The following KCNMA1 variants were observed in gnomAD, a reference collection of about 807,000 sequenced individuals.
The protein encoded by KCNMA1 is Calcium-activated potassium channel subunit alpha-1.
Under a neutral mutation model 140.0 loss-of-function variants are expected in KCNMA1, and 29 were observed. The observed-to-expected ratio is 0.21, with a 90% confidence interval of 0.15 to 0.28. KCNMA1 has a LOEUF of 0.28. KCNMA1 is among the 10% of genes least tolerant of loss of function. The pLI is 1.00. For synonymous variants in KCNMA1, 612 were observed against 611.9 expected, an observed-to-expected ratio of 1.00 and a Z score of 0.00; for missense variants, 880 against 1,602.2, an observed-to-expected ratio of 0.55 and a Z score of 7.70.
At chr10:77,150,635 G>A (rs2098401586) in intron 5 of KCNMA1, among the ~76,000 whole-genome samples, 1 of 152,222 alleles carries the variant, frequency 6.6e-6, no homozygotes, top group South Asian at 2.1e-4. Flanking sequence ...GTTTAAAAGT[G>A]CTGAGAGCAT....
At chr10:77,107,104 G>C (rs1399278229) in intron 9 of KCNMA1, among the ~76,000 whole-genome samples, 1 of 152,180 alleles carries the variant, frequency 6.6e-6, no homozygotes, top group East Asian at 1.9e-4. Context: ...GACCAAAGGG[G>C]AGGGTCCACT....
chr10:77,406,506 A>G (rs2096477944), intron 1 of KCNMA1, among the ~76,000 whole-genome samples: 1 of 152,160 alleles, frequency 6.6e-6, no homozygotes, highest in South Asian at 2.1e-4. Context: ...GCTTGTTGAA[A>G]CACAGTGTGC....
chr10:77,549,962 A>C (rs945832087), intron 1 of KCNMA1, among the ~76,000 whole-genome samples: 2 of 152,210 alleles, frequency 1.3e-5, no homozygotes, highest in African/African-American at 4.8e-5. Flanking sequence ...TGAAAGCACT[A>C]GTTTATTCAG....
intron 5 of KCNMA1, among the ~76,000 whole-genome samples, chr10:77,122,617 C>A (rs1233623885): frequency 6.6e-6 from 1 of 151,888 alleles, no homozygotes; most frequent in Non-Finnish European, 1.5e-5. Context: ...AGATCCAACC[C>A]ATGGATAAAA....
At chr10:77,233,955 A>T (rs1053768844) in intron 3 of KCNMA1, among the ~76,000 whole-genome samples, 1 of 152,148 alleles carries the variant, frequency 6.6e-6, no homozygotes, top group East Asian at 1.9e-4. Flanking sequence ...TTCTACAATA[A>T]ATTAGAACAG....
chr10:76,997,178 A>C (rs2084660802), intron 19 of KCNMA1, among the ~76,000 whole-genome samples: 1 of 152,188 alleles, frequency 6.6e-6, no homozygotes, highest in Non-Finnish European at 1.5e-5. Flanking sequence ...ATTACACTAA[A>C]CTGATTTTGG....
intron 1 of KCNMA1, among the ~76,000 whole-genome samples, chr10:77,443,060 C>T (rs866924001): frequency 6.6e-6 from 1 of 152,208 alleles, no homozygotes; most frequent in African/African-American, 2.4e-5. Flanking sequence ...CATGGTGACA[C>T]CCACGATCCA....
intron 19 of KCNMA1, among the ~76,000 whole-genome samples, chr10:76,982,484 G>T (rs1361201379): frequency 6.6e-6 from 1 of 152,138 alleles, no homozygotes; most frequent in Non-Finnish European, 1.5e-5. Context: ...TGGCAGTAGA[G>T]GGTGGGAAGG....
intron 1 of KCNMA1, among the ~76,000 whole-genome samples, chr10:77,467,239 T>TAA (rs2098043875): frequency 6.6e-6 from 1 of 152,194 alleles, no homozygotes; most frequent in Non-Finnish European, 1.5e-5. Context: ...CTGTGTCAGT[T>TAA]TTCATCTTAA....
intron 2 of KCNMA1, among the ~76,000 whole-genome samples, chr10:77,375,544 T>C (rs1320754195): frequency 6.6e-6 from 1 of 152,188 alleles, no homozygotes; most frequent in East Asian, 1.9e-4. Context: ...CGCACTGCAG[T>C]CAGGGCAACA....
intron 1 of KCNMA1, among the ~76,000 whole-genome samples, chr10:77,623,774 G>A (rs2091987590): frequency 6.6e-6 from 1 of 151,860 alleles, no homozygotes; most frequent in Non-Finnish European, 1.5e-5. Context: ...CTATAGTACA[G>A]AAGAAACAAA....
At chr10:77,105,910 T>C (rs2153836876) in intron 9 of KCNMA1, among the ~76,000 whole-genome samples, 1 of 152,352 alleles carries the variant, frequency 6.6e-6, no homozygotes, top group South Asian at 2.1e-4. Flanking sequence ...TTATTGATTC[T>C]GACAGCCCAT....
chr10:77,406,545 C>A (rs539215185), intron 1 of KCNMA1, among the ~76,000 whole-genome samples: 40 of 152,272 alleles, frequency 2.6e-4, no homozygotes, highest in African/African-American at 8.9e-4. Flanking sequence ...TACATTCGAA[C>A]CAAGATGTCA....
At chr10:77,344,857 G>T (rs116730556) in intron 2 of KCNMA1, among the ~76,000 whole-genome samples, 109 of 152,058 alleles carry the variant, frequency 7.2e-4, no homozygotes, top group Admixed American at 1.6e-3. Context: ...TCCTGTCTCC[G>T]TTGGCCACAT....
chr10:77,540,864 G>T (rs890907589), intron 1 of KCNMA1, among the ~76,000 whole-genome samples: 1 of 152,108 alleles, frequency 6.6e-6, no homozygotes, highest in African/African-American at 2.4e-5. Flanking sequence ...AAATAGCTGA[G>T]TGTGGTGGTG....
At chr10:76,909,926 C>T in intron 25 of KCNMA1, 40 bp downstream of exon 25, 1 of 1,606,056 alleles carries the variant, frequency 6.2e-7, no homozygotes, top group Non-Finnish European at 8.5e-7. Context: ...TTGGCACATC[C>T]TCCACCCTTG....
At chr10:77,549,749 T>G (rs879879356) in intron 1 of KCNMA1, among the ~76,000 whole-genome samples, 5 of 152,168 alleles carry the variant, frequency 3.3e-5, no homozygotes, top group Admixed American at 3.3e-4. Flanking sequence ...CATAGACAAT[T>G]AGCGAAAGGT....
chr10:77,066,886 C>T (rs2095974174), intron 14 of KCNMA1, among the ~76,000 whole-genome samples: 1 of 152,168 alleles, frequency 6.6e-6, no homozygotes, highest in Admixed American at 6.6e-5. Flanking sequence ...ACCTCAATCC[C>T]AGCCTTATCA....
rs1028896287 is a variant in KCNMA1 at position 77,135,208 on chromosome 10, A to G, written c.809-14160T>C. ...GACCTGAATAGACATTTCGCAAAAGAAGAAATGCAAATAGCCAACAGTAAA... is the reference window on the plus strand; with the variant it reads ...GACCTGAATAGACATTTCGCAAAAGGAGAAATGCAAATAGCCAACAGTAAA... On this transcript the variant is annotated intron_variant, in intron 5 of 27. Transcript: ENST00000286628. 2.0e-5 allele frequency among the ~76,000 whole-genome samples: 3 copies of G among 152,062 alleles called. No homozygotes were observed. The South Asian group carries it at 6.2e-4, about 32-fold the overall frequency.
Sources: gnomAD v4.1 joint callset for allele counts (sites outside exome capture counted in the v4.1 genomes callset) on GRCh38, gnomAD v4.1.1 for gene constraint, MANE v1.5 for transcripts, NCBI Gene and HGNC (gene_info 2026-07-23, HGNC 2026-07-21) for gene names.